The following ELOVL6 variants were observed in gnomAD, a reference collection of about 807,000 sequenced individuals.
ELOVL6 encodes the protein very long chain fatty acid elongase 6.
A neutral mutation model predicts 31.7 loss-of-function variants in ELOVL6; 8 were observed. The observed-to-expected ratio is 0.25, with a 90% CI of 0.15 to 0.45. The LOEUF is 0.45. ELOVL6 is among the 20% of genes least tolerant of loss of function. The probability of loss-of-function intolerance (pLI) is 1.00; values close to 1 mark genes in which losing one functional copy is unlikely to be tolerated. For missense variants in ELOVL6, 126 were observed against 326.4 expected (o/e 0.39, Z 4.73); for synonymous variants, 101 against 117.7 (o/e 0.86, Z 0.92).
chr4:110,177,888 C>A (rs1461064345), intron 1 of ELOVL6, among the ~76,000 whole-genome samples: 1 of 152,022 alleles, frequency 6.6e-6, no homozygotes, highest in Non-Finnish European at 1.5e-5. Context: ...TGAGTATTAC[C>A]CAAAAATGAC....
intron 2 of ELOVL6, among the ~76,000 whole-genome samples, chr4:110,073,090 G>A (rs957382357): frequency 3.3e-5 from 5 of 152,144 alleles, no homozygotes; most frequent in Non-Finnish European, 5.9e-5. Context: ...TGATTTCCGT[G>A]CATTTCATCC....
intron 1 of ELOVL6, among the ~76,000 whole-genome samples, chr4:110,180,049 C>T (rs1759225742): frequency 6.6e-6 from 1 of 152,206 alleles, no homozygotes; most frequent in African/African-American, 2.4e-5. Context: ...AGAAGACAAA[C>T]TCTTAGGTCT....
intron 1 of ELOVL6, among the ~76,000 whole-genome samples, chr4:110,174,701 C>T (rs1759047981): frequency 6.6e-6 from 1 of 152,064 alleles, no homozygotes; most frequent in African/African-American, 2.4e-5. Context: ...CTATTAGTCA[C>T]AGATGGAAAT....
At chr4:110,068,458 G>A (rs1040038182) in intron 2 of ELOVL6, among the ~76,000 whole-genome samples, 2 of 152,202 alleles carry the variant, frequency 1.3e-5, no homozygotes, top group Non-Finnish European at 2.9e-5. Flanking sequence ...CTCTACGGCT[G>A]CTGTCTCAAC....
At chr4:110,159,198 C>T (rs1758559995) in intron 1 of ELOVL6, among the ~76,000 whole-genome samples, 1 of 152,178 alleles carries the variant, frequency 6.6e-6, no homozygotes, top group African/African-American at 2.4e-5. Flanking sequence ...TAAAGATTTT[C>T]CTTTATGCAT....
In ELOVL6 at chr4:110,158,657, A is replaced by ATATATTTTTTT; in HGVS notation, c.89+39589_89+39590insAAAAAAATATA. Among the ~76,000 whole-genome samples the ATATATTTTTTT allele has an allele frequency of 3.2e-3, 239 of 74,136 alleles. 11 individuals carry two copies. The highest frequency in any genetic ancestry group is 0.017 in the African/African-American group (204 of 12,054). The allele number at this position is 74,136 out of a possible 152,430, so 48.6% of individuals were successfully genotyped here. On this transcript the variant is annotated intron_variant, in intron 1 of 3. Coordinates refer to ENST00000302274, the MANE Select transcript of ELOVL6 (RefSeq NM_024090.3). ...CGTGTATATATATATATATATATAT[A>ATATATTTTTTT]TTTTTTTTTTTTTTTTTTTTGAGAC...
At chr4:110,094,404 A>AATATAT (rs1167924305) in intron 2 of ELOVL6, among the ~76,000 whole-genome samples, 21 of 55,556 alleles carry the variant, frequency 3.8e-4, no homozygotes, top group African/African-American at 6.0e-4. Context: ...CTTAAAAAGA[A>AATATAT]ATATATATAT....
In ELOVL6 at chr4:110,156,820, C is replaced by G. The variant is rs565295456; in HGVS notation, c.89+41427G>C. Reference sequence around the variant, plus strand: ...ACCTTAGTAAGTAAAATAGGATTAACGAGTATCTGCCTTGGAACAAAATAT... The same window carrying G: ...ACCTTAGTAAGTAAAATAGGATTAAGGAGTATCTGCCTTGGAACAAAATAT... On this transcript the variant is annotated intron_variant, in intron 1 of 3. Transcript: ENST00000302274. Among the ~76,000 whole-genome samples the G allele has an allele frequency of 2.0e-5, 3 of 152,270 alleles. No homozygotes were observed. In the South Asian group the frequency reaches 6.2e-4, roughly 32 times the overall value.
intron 1 of ELOVL6, among the ~76,000 whole-genome samples, chr4:110,117,033 C>T (rs549675665): frequency 6.6e-6 from 1 of 152,332 alleles, no homozygotes; most frequent in East Asian, 1.9e-4. Context: ...AATCTGTGGA[C>T]CTCTTCTCTT....
intron 2 of ELOVL6, among the ~76,000 whole-genome samples, chr4:110,071,669 C>T (rs568161979): frequency 1.2e-4 from 19 of 152,266 alleles, no homozygotes; most frequent in Admixed American, 5.9e-4. Flanking sequence ...CGCTCCCTCC[C>T]GGAACTTGGC....
intron 1 of ELOVL6, among the ~76,000 whole-genome samples, chr4:110,178,553 T>TA (rs112979932): frequency 8.1e-4 from 112 of 137,750 alleles, no homozygotes; most frequent in Admixed American, 1.5e-3. Context: ...AGACTCCATC[T>TA]AAAAAAAAAA....
At chr4:110,157,414 T>G (rs1302139802) in intron 1 of ELOVL6, among the ~76,000 whole-genome samples, 1 of 152,176 alleles carries the variant, frequency 6.6e-6, no homozygotes, top group East Asian at 1.9e-4. Flanking sequence ...CTCATGCCTG[T>G]AATCCCAGCA....
chr4:110,089,235 C>T (rs1053560173), intron 2 of ELOVL6, among the ~76,000 whole-genome samples: 6 of 152,070 alleles, frequency 3.9e-5, no homozygotes, highest in Non-Finnish European at 5.9e-5. Flanking sequence ...AGTGTGGAGA[C>T]GGTAGTGTAT....
Position 110,051,583 on chromosome 4 carries a change from C to T in ELOVL6, c.553G>A (p.Ala185Thr). 1 of 1,614,178 alleles carries T rather than the reference C, an allele frequency of 6.2e-7. No homozygotes were observed. Among genetic ancestry groups the T allele is most frequent in the Non-Finnish European group, 8.5e-7 (1 of 1,180,026 alleles). Residue 185 changes from alanine (A) to threonine (T), a missense_variant, in exon 4 of 4, where the codon GCG (alanine) becomes ACG (threonine). This residue lies in a region of ELOVL6 where 57 missense variants were observed against 110.2 expected (regional missense o/e 0.52). Transcript: ENST00000302274. This position sits in a 1 kb window ranked among gnomAD's most constrained non-coding sequence, Gnocchi z 4.8. ...TTCCGGGAGACTCGGAAACCTGCCG[C>T]CCGCAAGGCATAGTAAGAGTACATC... ...AVMYSYYALR[A>T]AGFRVSRKFA...
At chr4:110,085,417 A>C (rs1756230674) in intron 2 of ELOVL6, among the ~76,000 whole-genome samples, 1 of 152,254 alleles carries the variant, frequency 6.6e-6, no homozygotes, top group Admixed American at 6.5e-5. Context: ...ATAGCTGGTG[A>C]AAGGTCAGAG....
At chr4:110,052,352 C>G (rs917501323) in intron 3 of ELOVL6, among the ~76,000 whole-genome samples, 1 of 152,226 alleles carries the variant, frequency 6.6e-6, no homozygotes, top group Non-Finnish European at 1.5e-5. Context: ...ATTACACAGC[C>G]TTGCCAAATG....
intron 1 of ELOVL6, among the ~76,000 whole-genome samples, chr4:110,167,242 A>G (rs1031550511): frequency 6.6e-6 from 1 of 152,240 alleles, no homozygotes; most frequent in African/African-American, 2.4e-5. Context: ...TTCAAAATGT[A>G]ATCGCTATTA....
intron 1 of ELOVL6, among the ~76,000 whole-genome samples, chr4:110,131,600 G>A (rs1757671627): frequency 6.6e-6 from 1 of 151,858 alleles, no homozygotes; most frequent in Non-Finnish European, 1.5e-5. Context: ...TTGCAAAGTG[G>A]AGAAACTAAA....
At chr4:110,181,071 G>A (rs954646909) in intron 1 of ELOVL6, among the ~76,000 whole-genome samples, 18 of 151,804 alleles carry the variant, frequency 1.2e-4, no homozygotes, top group African/African-American at 4.1e-4. Context: ...TTAGGCATTC[G>A]AGGTTACAGT....
Sources: allele counts gnomAD v4.1 joint callset (sites outside exome capture counted in the v4.1 genomes callset), GRCh38; gene constraint gnomAD v4.1.1; regional missense constraint gnomAD v4.1.1; non-coding constraint Gnocchi (gnomAD v3.1); transcripts MANE v1.5; gene names NCBI Gene and HGNC (gene_info 2026-07-23, HGNC 2026-07-21).